The following KDELR1 variants were observed in gnomAD, a reference collection of about 807,000 sequenced individuals.
KDELR1 encodes ER lumen protein-retaining receptor 1.
Under a neutral mutation model 25.5 loss-of-function variants are expected in KDELR1, and 16 were observed. That is an observed-to-expected ratio of 0.63 (90% CI 0.43 to 0.95). KDELR1 has a LOEUF of 0.95. KDELR1 is among the 40% of genes least tolerant of loss of function. The probability of loss-of-function intolerance (pLI) is 0.00; values close to 1 mark genes in which losing one functional copy is unlikely to be tolerated. For missense variants in KDELR1, 159 were observed against 265.2 expected (o/e 0.60, Z 2.78); for synonymous variants, 121 against 115.0 (o/e 1.05, Z -0.33).
intron 4 of KDELR1, among the ~76,000 whole-genome samples, chr19:48,383,806 ATTCT>A (rs1970474353): frequency 1.3e-5 from 2 of 152,162 alleles, no homozygotes; most frequent in South Asian, 4.2e-4. Context: ...TGCCCAACTA[ATTCT>A]TTCTTTACTT....
chr19:48,394,784 GCCGCTGCTGCCGCCACCA>G (rs1216403018), upstream of KDELR1: 3 of 155,664 alleles, frequency 1.9e-5, no homozygotes, highest in African/African-American at 7.2e-5. The surrounding 1 kb of genome is among the most constrained non-coding windows in gnomAD (Gnocchi z 5.1). Flanking sequence ...GGTCCGGGCT[GCCGCTGCTGCCGCCACCA>G]CCACTGCCGC....
intron 3 of KDELR1, among the ~76,000 whole-genome samples, chr19:48,386,608 C>T (rs191056244): frequency 1.8e-4 from 27 of 151,380 alleles, no homozygotes; most frequent in Non-Finnish European, 3.5e-4. Context: ...CCACCATGCC[C>T]GGCTAATTTT....
At chr19:48,395,493 TTGTG>T (rs755262217), upstream of KDELR1, among the ~76,000 whole-genome samples, 1 of 151,100 alleles carries the variant, frequency 6.6e-6, no homozygotes, top group Non-Finnish European at 1.5e-5. Flanking sequence ...GAGACCGATG[TTGTG>T]TGTGTGTGTT....
At chr19:48,393,993 G>A (rs1052994699), upstream of KDELR1, among the ~76,000 whole-genome samples, 11 of 152,216 alleles carry the variant, frequency 7.2e-5, 1 homozygote, top group African/African-American at 2.6e-4. This position sits in a 1 kb window ranked among gnomAD's most constrained non-coding sequence, Gnocchi z 5.6. Flanking sequence ...TGCCTGCCTG[G>A]GTGTCGTGGG....
rs1276668708 is a variant in KDELR1 at position 48,389,706 on chromosome 19, G to T, written c.198C>A (p.Val66=). 10 of 1,613,966 alleles carry T rather than the reference G, an allele frequency of 6.2e-6. No homozygotes were observed. Among genetic ancestry groups the T allele is most frequent in the Non-Finnish European group, 8.5e-6 (10 of 1,179,914 alleles). The stretch of plus-strand genomic sequence containing the variant: ...CCGTGGTGAAGGAGCAGGCTATGTA[G>T]ACCACCTGAGGAGGGGGATGATGAG... ...ISLYNTCMKV[V]YIACSFTTVW... is the part of the protein sequence containing the mutation. The change falls in exon 3 of 5, where the codon GTC becomes GTA. Residue 66 remains valine (V), a synonymous_variant. Coordinates refer to ENST00000330720, the MANE Select transcript of KDELR1 (RefSeq NM_006801.3).
At chr19:48,383,651 G>A (rs756104093) in intron 4 of KDELR1, among the ~76,000 whole-genome samples, 7 of 152,048 alleles carry the variant, frequency 4.6e-5, no homozygotes, top group East Asian at 1.9e-4. Context: ...GACCACAGGC[G>A]TGCACCACCA....
chr19:48,395,694 T>G (rs1473219981), upstream of KDELR1, among the ~76,000 whole-genome samples: 1 of 151,806 alleles, frequency 6.6e-6, no homozygotes, highest in Non-Finnish European at 1.5e-5. Flanking sequence ...GGCTGTGCTA[T>G]GTACAGGATC....
At chr19:48,391,558 G>A, upstream of KDELR1, 2 of 578,252 alleles carry the variant, frequency 3.5e-6, no homozygotes, top group Non-Finnish European at 6.2e-6. Context: ...GAAGAGGGAG[G>A]AGAGCGAGAG....
intron 3 of KDELR1, among the ~76,000 whole-genome samples, chr19:48,385,207 AG>A: frequency 6.6e-6 from 1 of 151,884 alleles, no homozygotes; most frequent in Non-Finnish European, 1.5e-5. Context: ...TTCTTGTGGC[AG>A]GCTGCATATG....
upstream of KDELR1, among the ~76,000 whole-genome samples, chr19:48,393,515 C>A (rs1397126560): frequency 6.6e-6 from 1 of 152,120 alleles, no homozygotes; most frequent in African/African-American, 2.4e-5. The surrounding 1 kb of genome is among the most constrained non-coding windows in gnomAD (Gnocchi z 5.6). Flanking sequence ...CAGCCCCTCA[C>A]TCCCTTGTCC....
At chr19:48,391,178 T>TAGTGCCCCC in intron 1 of KDELR1, 90 bp downstream of exon 1, 1 of 1,117,660 alleles carries the variant, frequency 8.9e-7, no homozygotes, top group Non-Finnish European at 1.3e-6. Flanking sequence ...CCTGTGCCCC[T>TAGTGCCCCC]AGTGCCCCCA....
chr19:48,394,626 A>G (rs537854883), upstream of KDELR1, among the ~76,000 whole-genome samples: 261 of 152,270 alleles, frequency 1.7e-3, 1 homozygote, highest in Non-Finnish European at 3.0e-3. The surrounding 1 kb of genome is among the most constrained non-coding windows in gnomAD (Gnocchi z 5.1). Flanking sequence ...ACACCCCGAC[A>G]GCCTCTGCAA....
At chr19:48,389,375 G>A in intron 3 of KDELR1, 178 bp downstream of exon 3, 1 of 660,434 alleles carries the variant, frequency 1.5e-6, no homozygotes. Flanking sequence ...CACATAGCGA[G>A]TCTTGCTGCT....
chr19:48,393,072 C>T (rs1447516418), upstream of KDELR1, among the ~76,000 whole-genome samples: 2 of 152,138 alleles, frequency 1.3e-5, no homozygotes, highest in East Asian at 1.9e-4. The surrounding 1 kb of genome is among the most constrained non-coding windows in gnomAD (Gnocchi z 5.6). Context: ...GCTGGAAGGA[C>T]GGGGTGCCCA....
intron 3 of KDELR1, among the ~76,000 whole-genome samples, chr19:48,389,076 G>A (rs1970520594): frequency 6.6e-6 from 1 of 152,168 alleles, no homozygotes; most frequent in South Asian, 2.1e-4. Context: ...TTCAAGACCA[G>A]CCTGGTCAAC....
intron 4 of KDELR1, among the ~76,000 whole-genome samples, chr19:48,383,660 C>G (rs1337536658): frequency 5.9e-5 from 9 of 152,282 alleles, no homozygotes; most frequent in Admixed American, 2.0e-4. Context: ...CGTGCACCAC[C>G]ATGCCCAGCT....
chr19:48,383,648 G>A (rs1002865018), intron 4 of KDELR1, among the ~76,000 whole-genome samples: 4 of 152,128 alleles, frequency 2.6e-5, no homozygotes, highest in African/African-American at 9.7e-5. Context: ...TGGGACCACA[G>A]GCGTGCACCA....
upstream of KDELR1, among the ~76,000 whole-genome samples, chr19:48,392,626 A>T (rs576373375): frequency 5.5e-4 from 84 of 152,278 alleles, no homozygotes; most frequent in Middle Eastern, 3.4e-3. Flanking sequence ...TTTTTCAGGA[A>T]TGTGCACCTC....
chr19:48,397,064 T>C, the KDELR1 span, among the ~76,000 whole-genome samples: 5 of 151,944 alleles, frequency 3.3e-5, no homozygotes, highest in African/African-American at 9.7e-5. Flanking sequence ...ATTTACCAAA[T>C]TGCTCTGGGC....
Sources: gnomAD v4.1 joint callset for allele counts (sites outside exome capture counted in the v4.1 genomes callset) on GRCh38, gnomAD v4.1.1 for gene constraint, Gnocchi (gnomAD v3.1) non-coding constraint, MANE v1.5 for transcripts, NCBI Gene and HGNC (gene_info 2026-07-23, HGNC 2026-07-21) for gene names.